The following THSD7B variants were observed in gnomAD, a reference collection of about 807,000 sequenced individuals.
THSD7B encodes the protein thrombospondin type-1 domain-containing protein 7B.
THSD7B carries 138 observed loss-of-function variants against 213.6 expected under a neutral mutation model. The ratio of observed to expected loss-of-function variants is 0.65; its 90% CI spans 0.56 to 0.74. THSD7B has a LOEUF of 0.74. Among genes scored for constraint, THSD7B ranks in the 30% least tolerant of loss-of-function variants. The pLI is 0.00. For missense variants in THSD7B, 1,931 were observed against 1,991.5 expected (o/e 0.97, Z 0.58); for synonymous variants, 742 against 687.0 (o/e 1.08, Z -1.25).
chr2:137,655,389 G>T, intron 21 of THSD7B, 112 bp from the exon 22 acceptor site: 1 of 1,149,968 alleles, frequency 8.7e-7, no homozygotes, highest in Non-Finnish European at 1.2e-6. Context: ...CACAAGAAGA[G>T]GAAGCTACGA....
intron 15 of THSD7B, among the ~76,000 whole-genome samples, chr2:137,476,685 C>T (rs542653919): frequency 6.6e-5 from 10 of 152,160 alleles, no homozygotes; most frequent in South Asian, 2.1e-4. Flanking sequence ...ATTCCCTTGC[C>T]TCAGCCACCA....
intron 10 of THSD7B, among the ~76,000 whole-genome samples, chr2:137,264,487 A>G (rs1372086255): frequency 6.6e-6 from 1 of 152,060 alleles, no homozygotes; most frequent in Non-Finnish European, 1.5e-5. Flanking sequence ...TGACCTCGTG[A>G]TCCGCCCACC....
chr2:137,549,307 GCTCT>G (rs1680797737), intron 15 of THSD7B, among the ~76,000 whole-genome samples: 2 of 76,254 alleles, frequency 2.6e-5, no homozygotes, highest in Non-Finnish European at 4.8e-5. Flanking sequence ...TTTTTCAGAT[GCTCT>G]TTTTTTTTTT....
rs565719943 is a variant in THSD7B, at chr2:137,445,183, A to G, written c.2960-5662A>G. On this transcript the variant is annotated intron_variant, in intron 14 of 27. Coordinates refer to ENST00000409968, the MANE Select transcript of THSD7B (RefSeq NM_001316349.2). ...AGGAATGCAAATTAGTACAGCCACT[A>G]TGAAAAACAGTATGGAGATTTCTCA... Among the ~76,000 whole-genome samples, 29 of 152,192 alleles carry G rather than the reference A, an allele frequency of 1.9e-4. No individual in the cohort carries two copies. The East Asian group carries it at 5.4e-3, about 28-fold the overall frequency.
rs1686972912 is a variant in THSD7B at position 137,423,506 on chromosome 2, A to G, written c.2959+11634A>G. ...GTCTATACACTAACAATGAACAATCAGAAAATGAAATTAAGAAAATAATTT... is the reference window on the plus strand; with the variant it reads ...GTCTATACACTAACAATGAACAATCGGAAAATGAAATTAAGAAAATAATTT... On this transcript the variant is annotated intron_variant, in intron 14 of 27. Coordinates refer to ENST00000409968, the MANE Select transcript of THSD7B (RefSeq NM_001316349.2). 2.6e-5 allele frequency among the ~76,000 whole-genome samples: 4 copies of G among 152,100 alleles called. No homozygotes were observed. The South Asian group carries it at 8.3e-4, about 31-fold the overall frequency.
chr2:137,048,986 C>A (rs1687015945), intron 2 of THSD7B, among the ~76,000 whole-genome samples: 1 of 152,200 alleles, frequency 6.6e-6, no homozygotes, highest in African/African-American at 2.4e-5. Context: ...TTGCCATTTC[C>A]ATTTAACTGA....
At position 137,517,342 on chromosome 2, in the gene THSD7B, C is replaced by T. The variant is rs1680089707; in HGVS notation, c.3139-45879C>T. ...GATCCAGTGAGCAAGAAGTAACAAA[C>T]ACACTGGACTTACTGGTAAATCATT... On this transcript the variant is annotated intron_variant, in intron 15 of 27. Transcript: ENST00000409968. 2.0e-5 allele frequency among the ~76,000 whole-genome samples: 3 copies of T among 152,326 alleles called. No individual in the cohort carries two copies. The South Asian group carries it at 6.2e-4, about 32-fold the overall frequency.
At chr2:137,070,560 T>A (rs570493663) in intron 3 of THSD7B, among the ~76,000 whole-genome samples, 83 of 151,862 alleles carry the variant, frequency 5.5e-4, no homozygotes, top group African/African-American at 2.0e-3. Flanking sequence ...TATTTTTTTT[T>A]TAAATTTTAT....
At chr2:137,475,159 T>G (rs559554847) in intron 15 of THSD7B, among the ~76,000 whole-genome samples, 8 of 152,036 alleles carry the variant, frequency 5.3e-5, no homozygotes, top group Non-Finnish European at 1.2e-4. Flanking sequence ...ATTTGGGGAG[T>G]CTTTTGACTT....
At chr2:136,793,409 C>A (rs186523079) in intron 1 of THSD7B, among the ~76,000 whole-genome samples, 3 of 152,082 alleles carry the variant, frequency 2.0e-5, no homozygotes, top group African/African-American at 7.2e-5. Flanking sequence ...ACAACTTTTG[C>A]CCATTCTAAA....
intron 7 of THSD7B, among the ~76,000 whole-genome samples, chr2:137,226,365 A>G (rs1449332849): frequency 6.6e-6 from 1 of 151,144 alleles, no homozygotes; most frequent in Admixed American, 6.6e-5. Context: ...TTTTCTTTGT[A>G]CTTTGTTCAT....
chr2:137,286,737 G>C (rs1207586103), intron 12 of THSD7B, among the ~76,000 whole-genome samples: 1 of 152,162 alleles, frequency 6.6e-6, no homozygotes, highest in Admixed American at 6.5e-5. Context: ...GGGAAAGAAA[G>C]TAGAGTAGTT....
At chr2:137,288,848 T>C (rs1243444775) in intron 12 of THSD7B, among the ~76,000 whole-genome samples, 1 of 151,856 alleles carries the variant, frequency 6.6e-6, no homozygotes, top group African/African-American at 2.4e-5. Flanking sequence ...GTTGATGCCA[T>C]TTTCTTTTGA....
At chr2:137,314,362 T>G (rs1684022612) in intron 12 of THSD7B, among the ~76,000 whole-genome samples, 1 of 152,222 alleles carries the variant, frequency 6.6e-6, no homozygotes, top group South Asian at 2.1e-4. Flanking sequence ...CTCCGTCAGC[T>G]CCTTTAAGCA....
At chr2:136,772,659 G>C (rs992590446) in intron 1 of THSD7B, among the ~76,000 whole-genome samples, 2 of 152,118 alleles carry the variant, frequency 1.3e-5, no homozygotes, top group African/African-American at 2.4e-5. Flanking sequence ...GCTGGTGGGT[G>C]CCTGGGTCAC....
intron 15 of THSD7B, among the ~76,000 whole-genome samples, chr2:137,497,607 GTGTGTGTGTGTTA>G (rs1368287325): frequency 6.6e-6 from 1 of 151,880 alleles, no homozygotes; most frequent in African/African-American, 2.4e-5. Context: ...ATATGTATGT[GTGTGTGTGTGTTA>G]TGTGTGTGTG....
chr2:136,899,083 A>G (rs1234766016), intron 2 of THSD7B, among the ~76,000 whole-genome samples: 1 of 152,204 alleles, frequency 6.6e-6, no homozygotes, highest in Non-Finnish European at 1.5e-5. Flanking sequence ...AACCATAAAA[A>G]ATACCCTTAG....
At chr2:136,935,978 CTATA>C (rs953914693) in intron 2 of THSD7B, among the ~76,000 whole-genome samples, 4 of 146,156 alleles carry the variant, frequency 2.7e-5, no homozygotes, top group African/African-American at 1.0e-4. Flanking sequence ...AATATATTAT[CTATA>C]TATTTTAAAT....
chr2:137,233,017 G>A lies in THSD7B; in HGVS notation c.2034G>A (p.Leu678=). The change falls in exon 9 of 28, where the codon TTG becomes TTA. Residue 678 remains leucine, a synonymous_variant. Transcript: ENST00000409968. Reference sequence around the variant, plus strand: ...GGGGCCCTTGTTCTGAGGACACATTGGTAACTGCCCTTAATGCAACCATTG... The same window carrying A: ...GGGGCCCTTGTTCTGAGGACACATTAGTAACTGCCCTTAATGCAACCATTG... ...SPWGPCSEDT[L]VTALNATIGW... 6.2e-7 allele frequency: 1 copy of A among 1,613,920 alleles called. No homozygotes were observed. Among genetic ancestry groups the A allele is most frequent in the African/African-American group, 1.3e-5 (1 of 75,024 alleles).
Sources: allele counts gnomAD v4.1 joint callset (sites outside exome capture counted in the v4.1 genomes callset), GRCh38; gene constraint gnomAD v4.1.1; transcripts MANE v1.5; gene names NCBI Gene and HGNC (gene_info 2026-07-23, HGNC 2026-07-21).